Variants in CDON observed in about 807,000 individuals in gnomAD.
The protein encoded by CDON is cell adhesion associated, oncogene regulated, also known as cell adhesion molecule-related/down-regulated by oncogenes.
Under a neutral mutation model 120.9 loss-of-function variants are expected in CDON, and 73 were observed. That is an observed-to-expected ratio of 0.60 (90% confidence interval 0.50 to 0.73). CDON has a LOEUF of 0.73. CDON is among the 30% of genes least tolerant of loss of function. The pLI, the probability that CDON is intolerant of heterozygous loss-of-function variation, is 0.00. For synonymous variants in CDON, 566 were observed against 573.5 expected (o/e 0.99, Z 0.19); for missense variants, 1,470 against 1,587.3 (o/e 0.93, Z 1.26).
intron 1 of CDON, among the ~76,000 whole-genome samples, chr11:126,058,096 CTGTT>C (rs1948719080): frequency 6.6e-6 from 1 of 152,204 alleles, no homozygotes; most frequent in South Asian, 2.1e-4. Flanking sequence ...TCCAAATTCT[CTGTT>C]TGTATTAGGG....
At chr11:126,020,224 A>G (rs1947594230) in intron 3 of CDON, among the ~76,000 whole-genome samples, 1 of 152,118 alleles carries the variant, frequency 6.6e-6, no homozygotes, top group Admixed American at 6.5e-5. Context: ...CCATTCAGTC[A>G]AGATAAATCC....
At chr11:126,012,441 G>T (rs191873925) in intron 7 of CDON, among the ~76,000 whole-genome samples, 1 of 151,558 alleles carries the variant, frequency 6.6e-6, no homozygotes, top group Admixed American at 6.6e-5. Context: ...TCGCTCTGTC[G>T]CCCAGGCCGG....
intron 10 of CDON, among the ~76,000 whole-genome samples, chr11:126,003,319 G>A (rs1947010734): frequency 6.6e-6 from 1 of 152,134 alleles, no homozygotes; most frequent in South Asian, 2.1e-4. Context: ...CAAAGTATAA[G>A]CTCTGTCGGG....
At chr11:126,062,965 A>T (rs894195779), upstream of CDON, among the ~76,000 whole-genome samples, 3 of 151,362 alleles carry the variant, frequency 2.0e-5, no homozygotes, top group East Asian at 4.0e-4. Context: ...GAGCAGCGGG[A>T]GGAGGGACCG....
intron 15 of CDON, among the ~76,000 whole-genome samples, chr11:125,985,014 C>G (rs1300383279): frequency 6.6e-6 from 1 of 152,146 alleles, no homozygotes; most frequent in African/African-American, 2.4e-5. Flanking sequence ...AAACCTCATT[C>G]TCTCATTCCC....
intron 1 of CDON, among the ~76,000 whole-genome samples, chr11:126,031,309 C>T (rs1947937028): frequency 1.3e-5 from 2 of 152,168 alleles, no homozygotes; most frequent in African/African-American, 4.8e-5. Context: ...ATGGGAATGG[C>T]TCAGATAGCA....
chr11:126,060,029 T>C (rs1335159265), intron 1 of CDON, among the ~76,000 whole-genome samples: 1 of 152,116 alleles, frequency 6.6e-6, no homozygotes, highest in Non-Finnish European at 1.5e-5. Flanking sequence ...CCCTTCTTTT[T>C]AACAAAAAAG....
At chr11:126,028,466 C>T (rs745319026) in intron 1 of CDON, among the ~76,000 whole-genome samples, 5 of 152,078 alleles carry the variant, frequency 3.3e-5, no homozygotes, top group Admixed American at 6.5e-5. Flanking sequence ...CAGGTTCAAG[C>T]GACTCTCTGC....
intron 1 of CDON, among the ~76,000 whole-genome samples, chr11:126,053,552 G>A (rs1404624152): frequency 3.3e-5 from 5 of 152,180 alleles, no homozygotes; most frequent in Non-Finnish European, 5.9e-5. Context: ...TTTACACAGA[G>A]GGATAAATGG....
At chr11:126,005,598 T>C (rs1335353206) in intron 9 of CDON, 161 bp downstream of exon 9, 8 of 687,090 alleles carry the variant, frequency 1.2e-5, no homozygotes, top group East Asian at 2.7e-5. Context: ...TTTCCTAGGA[T>C]TGGTAAATCC....
intron 7 of CDON, among the ~76,000 whole-genome samples, chr11:126,011,207 T>G (rs517835): frequency 1.3e-5 from 2 of 152,124 alleles, no homozygotes; most frequent in African/African-American, 4.8e-5. Flanking sequence ...TTTTTTCCCA[T>G]AGGCATGAAC....
At chr11:126,004,365 T>C (rs1011263087) in intron 9 of CDON, 3 of 426,862 alleles carry the variant, frequency 7.0e-6, no homozygotes, top group African/African-American at 2.0e-5. Flanking sequence ...CCTTTACTTG[T>C]AATGGAAACA....
chr11:125,967,787 G>C (rs1216042567), intron 18 of CDON, among the ~76,000 whole-genome samples: 4 of 152,116 alleles, frequency 2.6e-5, no homozygotes, highest in Admixed American at 2.0e-4. Flanking sequence ...TGAGAATAGG[G>C]CACTTCCCAC....
chr11:125,992,806 A>G (rs923460763), intron 14 of CDON, among the ~76,000 whole-genome samples: 5 of 152,256 alleles, frequency 3.3e-5, no homozygotes. Context: ...TTTCATGTCA[A>G]GAAGTCATAT....
chr11:126,044,573 C>T (rs114863225), intron 1 of CDON, among the ~76,000 whole-genome samples: 172 of 152,252 alleles, frequency 1.1e-3, no homozygotes, highest in African/African-American at 4.0e-3. Context: ...AGAATGAAAT[C>T]TTGTCATTTG....
chr11:126,032,649 G>A (rs1472406809), intron 1 of CDON, among the ~76,000 whole-genome samples: 1 of 152,108 alleles, frequency 6.6e-6, no homozygotes. Context: ...GACCTGTACT[G>A]GAGAAATATC....
chr11:125,995,138 G>T, intron 12 of CDON, 86 bp from the exon 13 acceptor site: 1 of 1,138,570 alleles, frequency 8.8e-7, no homozygotes, highest in Non-Finnish European at 1.3e-6. Context: ...AGGCAGAATA[G>T]TCAAAATATG....
At position 125,994,969 on chromosome 11, in the gene CDON, C is replaced by A; in HGVS notation, c.2446G>T (p.Val816Phe). 2 of 1,613,892 alleles carry A rather than the reference C, an allele frequency of 1.2e-6. No individual in the cohort carries two copies. The highest frequency in any genetic ancestry group is 1.3e-5 in the African/African-American group (1 of 75,026). ...CTGGAAAAGCGATTGGGGAACCCAACCACTTGATAAGGACGAGATGCTGAA... is the reference window on the plus strand; with the variant it reads ...CTGGAAAAGCGATTGGGGAACCCAAACACTTGATAAGGACGAGATGCTGAA... The part of the protein sequence containing the change: ...RSSASRPYQV[V>F]GFPNRFSSRP... The change falls in exon 13 of 20, where the codon GTT becomes TTT. Residue 816 changes from valine to phenylalanine, a missense_variant. Coordinates refer to ENST00000531738, the MANE Select transcript of CDON (RefSeq NM_001378964.1).
chr11:126,052,310 C>A (rs542151386), intron 1 of CDON, among the ~76,000 whole-genome samples: 31 of 152,146 alleles, frequency 2.0e-4, no homozygotes, highest in East Asian at 5.8e-4. Flanking sequence ...TTTATTGTAA[C>A]CTTAAAAAGG....
Sources: gnomAD v4.1 joint callset for allele counts (sites outside exome capture counted in the v4.1 genomes callset) on GRCh38, gnomAD v4.1.1 for gene constraint, MANE v1.5 for transcripts, NCBI Gene and HGNC (gene_info 2026-07-23, HGNC 2026-07-21) for gene names.